The following ZFP30 variants were observed in gnomAD, a reference collection of about 807,000 sequenced individuals.
The protein encoded by ZFP30 is ZFP30 zinc finger protein, also known as zinc finger protein 30 homolog.
In ZFP30, 16 loss-of-function variants were observed where a neutral mutation model predicts 12.3. The ratio of observed to expected loss-of-function variants is 1.30; its 90% confidence interval spans 0.88 to 1.98. The LOEUF is 1.98. Among genes scored for constraint, ZFP30 ranks in the 30% most tolerant of loss-of-function variants. ZFP30 has a pLI of 0.00. For missense variants in ZFP30, 560 were observed against 611.2 expected (o/e 0.92, Z 0.88); for synonymous variants, 172 against 201.0 (o/e 0.86, Z 1.22).
rs1453694189 is a variant in ZFP30, at chr19:37,635,949, A to G, written c.592T>C (p.Cys198Arg). 3 of 1,614,060 alleles carry G rather than the reference A, an allele frequency of 1.9e-6. No homozygotes were observed. Among genetic ancestry groups the G allele is most frequent in the Non-Finnish European group, 2.5e-6 (3 of 1,180,020 alleles). The stretch of plus-strand genomic sequence containing the variant: ...CTCTGATGTCGACTGAGGTGGGCAC[A>G]CTGTCTAAAGGCTTTTCCACATTCT... ...CKECGKAFRQ[C>R]AHLSRHQRIH... The change falls in exon 6 of 6, where the codon TGT becomes CGT. Residue 198 changes from cysteine (C) to arginine (R), a missense_variant. By Grantham distance (180) the Cys-to-Arg change is radical. Coordinates refer to ENST00000684514, the MANE Select transcript of ZFP30 (RefSeq NM_001320669.3).
At chr19:37,649,505 T>C (rs1467513592) in intron 2 of ZFP30, among the ~76,000 whole-genome samples, 1 of 152,090 alleles carries the variant, frequency 6.6e-6, no homozygotes, top group African/African-American at 2.4e-5. Flanking sequence ...CCTTCAGCAA[T>C]GTCAAATAAA....
rs749165748 is a variant in ZFP30, at chr19:37,635,834, T to C, written c.707A>G (p.His236Arg). Residue 236 changes from histidine to arginine, a missense_variant, in exon 6 of 6, where the codon CAT (histidine) becomes CGT (arginine). His to Arg is a conservative substitution (Grantham distance 29). Coordinates refer to ENST00000684514, the MANE Select transcript of ZFP30 (RefSeq NM_001320669.3). ...ACATTCATACGGCTTCTCACCAATA[T>C]GAATTCTCTGATGTACTCGAAGGTC... ...GSDLRVHQRI[H>R]IGEKPYECKE... The C allele has an allele frequency of 1.2e-6, 2 of 1,614,106 alleles. No homozygotes were observed. Among genetic ancestry groups the C allele is most frequent in the African/African-American group, 1.3e-5 (1 of 74,940 alleles).
At chr19:37,644,791 T>C in intron 3 of ZFP30, 55 bp from the exon 4 acceptor site, 4 of 1,552,806 alleles carry the variant, frequency 2.6e-6, no homozygotes, top group African/African-American at 2.8e-5. Context: ...ATTTTGAAGA[T>C]GGAAGAAGGT....
chr19:37,643,052 C>CAAAAAA (rs951396776), intron 5 of ZFP30, among the ~76,000 whole-genome samples: 2 of 61,438 alleles, frequency 3.3e-5, no homozygotes, highest in African/African-American at 6.7e-5. Flanking sequence ...GACTCCGTCT[C>CAAAAAA]AAAAAAAAAA....
chr19:37,637,193 TTC>T (rs1175688447), intron 5 of ZFP30, among the ~76,000 whole-genome samples: 4 of 151,216 alleles, frequency 2.6e-5, no homozygotes, highest in Non-Finnish European at 5.9e-5. Context: ...TCTTTCTTTT[TTC>T]TTTTTTTCTT....
At position 37,635,307 on chromosome 19, in the gene ZFP30, A is replaced by G. The variant is rs749773158; in HGVS notation, c.1234T>C (p.Cys412Arg). Reference sequence around the variant, plus strand: ...CTAAATGCCTTCCCACATTCCTTACATTCATAAGGTTTCTCTCCAATGTGA... The same window carrying G: ...CTAAATGCCTTCCCACATTCCTTACGTTCATAAGGTTTCTCTCCAATGTGA... ...GIHIGEKPYECKECGKAFRLF... is the reference protein window; with the variant it reads ...GIHIGEKPYERKECGKAFRLF... The change falls in exon 6 of 6, where the codon TGT becomes CGT. Residue 412 changes from cysteine (C) to arginine (R), a missense_variant. Transcript: ENST00000684514. The G allele has an allele frequency of 1.4e-5, 22 of 1,613,974 alleles. No individual in the cohort carries two copies. Among genetic ancestry groups the G allele is most frequent in the Non-Finnish European group, 1.9e-5 (22 of 1,179,956 alleles).
intron 2 of ZFP30, among the ~76,000 whole-genome samples, chr19:37,652,904 G>A (rs2044680162): frequency 6.6e-6 from 1 of 152,022 alleles, no homozygotes; most frequent in Admixed American, 6.6e-5. Flanking sequence ...GATCACTTGA[G>A]GTTAGGAGTT....
rs2044311195 is a variant in ZFP30 at position 37,635,756 on chromosome 19, C to T, written c.785G>A (p.Arg262Lys). ...ATAGGGTTTCTCACCCGTGTGAATCCTTTGATGGAGATTAAGTTGTCCTCT... is the reference window on the plus strand; with the variant it reads ...ATAGGGTTTCTCACCCGTGTGAATCTTTTGATGGAGATTAAGTTGTCCTCT... ...RVRGQLNLHQ[R>K]IHTGEKPYEC... The change falls in exon 6 of 6, where the codon AGG becomes AAG. Residue 262 changes from arginine to lysine, a missense_variant. Coordinates refer to ENST00000684514, the MANE Select transcript of ZFP30 (RefSeq NM_001320669.3). 1.2e-6 allele frequency: 2 copies of T among 1,613,918 alleles called. No homozygotes were observed. The highest frequency in any genetic ancestry group is 1.3e-5 in the African/African-American group (1 of 74,874).
chr19:37,635,438 T>C lies in ZFP30; in HGVS notation c.1103A>G (p.His368Arg), dbSNP rs2044302921. The change falls in exon 6 of 6, where the codon CAT (histidine) becomes CGT (arginine). Residue 368 changes from histidine (H) to arginine (R), a missense_variant. His to Arg is a conservative substitution (Grantham distance 29). Coordinates refer to ENST00000684514, the MANE Select transcript of ZFP30 (RefSeq NM_001320669.3). ...ECGKTFSRGY[H>R]LTLHQRIHTG... is the part of the protein sequence containing the mutation. ...ATGTATTCTCTGATGGAGAGTTAGA[T>C]GATAGCCACGACTGAAAGTCTTCCC... The C allele has an allele frequency of 6.2e-7, 1 of 1,614,198 alleles. No homozygotes were observed. The highest frequency in any genetic ancestry group is 8.5e-7 in the Non-Finnish European group (1 of 1,180,034).
chr19:37,648,869 T>C (rs2044593221), intron 2 of ZFP30, among the ~76,000 whole-genome samples: 1 of 152,148 alleles, frequency 6.6e-6, no homozygotes, highest in South Asian at 2.1e-4. Flanking sequence ...ATGATCTCAA[T>C]TACCAAGCAA....
chr19:37,652,271 G>C (rs2044666049), intron 2 of ZFP30, among the ~76,000 whole-genome samples: 1 of 151,942 alleles, frequency 6.6e-6, no homozygotes, highest in Admixed American at 6.6e-5. Flanking sequence ...CTGTTCTTCA[G>C]AGAGAAAACC....
Position 37,632,221 on chromosome 19 carries a change from T to A in ZFP30, c.*2760A>T, listed in dbSNP as rs1306192105. ...TTCATTCAGCATGTGAAGTCAATTT[T>A]AGTAATTTTTACCATAAAATAATTC... is the stretch of plus-strand genomic sequence containing the variant. On this transcript the variant is annotated 3_prime_UTR_variant, in exon 6 of 6. Coordinates refer to ENST00000684514, the MANE Select transcript of ZFP30 (RefSeq NM_001320669.3). 6.6e-6 allele frequency: 1 copy of A among 152,096 alleles called. No individual in the cohort carries two copies. Among genetic ancestry groups the A allele is most frequent in the Non-Finnish European group, 1.5e-5 (1 of 67,990 alleles). 9.4% of individuals were successfully genotyped at this position (152,096 alleles called of 1,614,324 possible). A position where few individuals can be genotyped will look rare whatever the true frequency, so the allele number is the denominator to read the frequency against.
At chr19:37,651,124 G>A (rs368676003) in intron 2 of ZFP30, among the ~76,000 whole-genome samples, 2 of 152,238 alleles carry the variant, frequency 1.3e-5, no homozygotes, top group South Asian at 2.1e-4. Context: ...GTTACCAACT[G>A]AACTATGCAG....
At chr19:37,645,350 AAT>A (rs1198032660) in intron 3 of ZFP30, among the ~76,000 whole-genome samples, 1 of 152,200 alleles carries the variant, frequency 6.6e-6, no homozygotes, top group African/African-American at 2.4e-5. Flanking sequence ...ACTGAAGCAG[AAT>A]ATGTGTTCTT....
intron 5 of ZFP30, among the ~76,000 whole-genome samples, chr19:37,640,922 T>A (rs552924954): frequency 6.6e-6 from 1 of 152,152 alleles, no homozygotes; most frequent in Admixed American, 6.5e-5. Context: ...TATATTAACA[T>A]CAGAGATCTG....
chr19:37,644,715 C>T lies in ZFP30; in HGVS notation c.31G>A (p.Val11Met). The change falls in exon 4 of 6, where the codon GTG becomes ATG. Residue 11 changes from valine (V) to methionine (M), a missense_variant. Physicochemically the swap from Val to Met is conservative, Grantham distance 21 (BLOSUM62 1). Coordinates refer to ENST00000684514, the MANE Select transcript of ZFP30 (RefSeq NM_001320669.3). Reference protein sequence around the residue: MARDLVMFRDVAVDFSQEEWE... With the variant: MARDLVMFRDMAVDFSQEEWE... Reference sequence around the variant, plus strand: ...TCTTCCTGAGAAAAGTCTACAGCCACATCTCTGAACATCACCAAATCCTGA... The same window carrying T: ...TCTTCCTGAGAAAAGTCTACAGCCATATCTCTGAACATCACCAAATCCTGA... The T allele has an allele frequency of 6.2e-7, 1 of 1,611,040 alleles. No individual in the cohort carries two copies. The highest frequency in any genetic ancestry group is 8.5e-7 in the Non-Finnish European group (1 of 1,179,012).
chr19:37,641,339 C>G (rs1460538897), intron 5 of ZFP30, among the ~76,000 whole-genome samples: 2 of 152,208 alleles, frequency 1.3e-5, no homozygotes, highest in African/African-American at 4.8e-5. Flanking sequence ...GTATCTGCTT[C>G]CCTTCTATGG....
At chr19:37,642,054 GA>G (rs1160335241) in intron 5 of ZFP30, among the ~76,000 whole-genome samples, 1 of 152,164 alleles carries the variant, frequency 6.6e-6, no homozygotes. Flanking sequence ...TTCATTAGGA[GA>G]AACAACACCC....
In ZFP30 at chr19:37,634,322, A is replaced by T. The variant is rs188137009; in HGVS notation, c.*659T>A. The T allele has an allele frequency of 6.6e-6, 1 of 152,308 alleles. No homozygotes were observed. The highest frequency in any genetic ancestry group is 1.9e-4 in the East Asian group (1 of 5,188). 9.4% of individuals were successfully genotyped at this position (152,308 alleles called of 1,614,324 possible). On this transcript the variant is annotated 3_prime_UTR_variant, in exon 6 of 6. Coordinates refer to ENST00000684514, the MANE Select transcript of ZFP30 (RefSeq NM_001320669.3). The stretch of plus-strand genomic sequence containing the variant: ...AGATGTGTATATCTTACTGTAGCAC[A>T]TTAGGAGGCACGTAATTTTTACTCT...
Sources: allele counts gnomAD v4.1 joint callset (sites outside exome capture counted in the v4.1 genomes callset), GRCh38; gene constraint gnomAD v4.1.1; transcripts MANE v1.5; gene names NCBI Gene and HGNC (gene_info 2026-07-23, HGNC 2026-07-21).